STAG1: variants seen among roughly 807,000 people sequenced by gnomAD.
STAG1 encodes STAG1 cohesin complex component, also known as cohesin subunit SA-1.
A neutral mutation model predicts 170.9 loss-of-function variants in STAG1; 26 were observed. The observed-to-expected ratio is 0.15, with a 90% confidence interval of 0.11 to 0.21. STAG1 has a LOEUF of 0.21. STAG1 is among the 10% of genes least tolerant of loss of function. The pLI, the probability that STAG1 is intolerant of heterozygous loss-of-function variation, is 1.00. For missense variants in STAG1, 964 were observed against 1,509.5 expected (o/e 0.64, Z 5.99); for synonymous variants, 514 against 497.7 (o/e 1.03, Z -0.44).
chr3:136,348,803 C>T (rs1379986045), intron 29 of STAG1: 1 of 235,530 alleles, frequency 4.2e-6, no homozygotes, highest in Non-Finnish European at 8.4e-6. Flanking sequence ...CTCAAATTAC[C>T]TGTATCTCAT....
chr3:136,378,037 A>G (rs1483244392), intron 22 of STAG1, among the ~76,000 whole-genome samples: 1 of 152,224 alleles, frequency 6.6e-6, no homozygotes, highest in African/African-American at 2.4e-5. Context: ...TAGGTTGATT[A>G]AAATTGCTAG....
At position 136,593,963 on chromosome 3, in the gene STAG1, A is replaced by G. The variant is rs184067267; in HGVS notation, c.297+10346T>C. Among the ~76,000 whole-genome samples, 61 of 152,228 alleles carry G rather than the reference A, an allele frequency of 4.0e-4. 1 individual carries two copies. Among genetic ancestry groups the G allele is most frequent in the Non-Finnish European group, 7.4e-4 (50 of 68,006 alleles). On this transcript the variant is annotated intron_variant, in intron 4 of 33. Coordinates refer to ENST00000383202, the MANE Select transcript of STAG1 (RefSeq NM_005862.3). Reference sequence around the variant, plus strand: ...AATAGTATATGTGTCCTCTCATCTAATGTCTCAGTATCATTTGTTTATAAT... The same window carrying G: ...AATAGTATATGTGTCCTCTCATCTAGTGTCTCAGTATCATTTGTTTATAAT...
At chr3:136,555,727 C>A (rs976373585) in intron 5 of STAG1, among the ~76,000 whole-genome samples, 1 of 150,186 alleles carries the variant, frequency 6.7e-6, no homozygotes, top group Non-Finnish European at 1.5e-5. Context: ...ATCAAGTATA[C>A]AATTTAATAG....
At chr3:136,432,969 C>G (rs1463898448) in intron 16 of STAG1, among the ~76,000 whole-genome samples, 1 of 152,050 alleles carries the variant, frequency 6.6e-6, no homozygotes, top group Non-Finnish European at 1.5e-5. Flanking sequence ...AAATATTTCC[C>G]AATGTGTGTT....
intron 1 of STAG1, among the ~76,000 whole-genome samples, chr3:136,745,295 G>T (rs1934878501): frequency 6.6e-6 from 1 of 151,982 alleles, no homozygotes; most frequent in South Asian, 2.1e-4. Context: ...CACCTACTAT[G>T]GACTCACAAA....
chr3:136,446,416 G>GA (rs1553722836), intron 14 of STAG1, among the ~76,000 whole-genome samples: 2 of 150,328 alleles, frequency 1.3e-5, no homozygotes, highest in Non-Finnish European at 3.0e-5. Flanking sequence ...TCCCTTCATT[G>GA]TTTTTTTTTA....
At chr3:136,472,353 A>G in intron 12 of STAG1, 60 bp downstream of exon 12, 1 of 1,275,648 alleles carries the variant, frequency 7.8e-7, no homozygotes, top group Non-Finnish European at 1.1e-6. Flanking sequence ...GACATTAAAA[A>G]TCCTGGGGAA....
At chr3:136,385,068 C>T (rs2086835180) in intron 22 of STAG1, among the ~76,000 whole-genome samples, 1 of 152,090 alleles carries the variant, frequency 6.6e-6, no homozygotes, top group African/African-American at 2.4e-5. Flanking sequence ...ATAAAATGTC[C>T]TTATATTGAT....
intron 4 of STAG1, among the ~76,000 whole-genome samples, chr3:136,592,143 C>T (rs9821478): frequency 2.6e-5 from 4 of 152,056 alleles, no homozygotes; most frequent in Non-Finnish European, 4.4e-5. Context: ...GATCCTGAAC[C>T]CTCCCTTTAT....
In STAG1 at chr3:136,422,862, A is replaced by G. The variant is rs540684459; in HGVS notation, c.1744-5T>C. 4.7e-5 allele frequency: 75 copies of G among 1,601,210 alleles called. No individual in the cohort carries two copies. In the South Asian group the frequency reaches 7.5e-4, roughly 16 times the overall value. ...CTTCTCTGCATCTGCAGAATACTAGAAGGAGAAGCAAAGAAAAAGACAGTA... is the reference window on the plus strand; with the variant it reads ...CTTCTCTGCATCTGCAGAATACTAGGAGGAGAAGCAAAGAAAAAGACAGTA... On this transcript the variant is annotated splice_region_variant and splice_polypyrimidine_tract_variant and intron_variant, in intron 17 of 33. Coordinates refer to ENST00000383202, the MANE Select transcript of STAG1 (RefSeq NM_005862.3).
At chr3:136,728,358 A>C (rs1013418858) in intron 1 of STAG1, among the ~76,000 whole-genome samples, 2 of 152,178 alleles carry the variant, frequency 1.3e-5, no homozygotes, top group Non-Finnish European at 2.9e-5. Context: ...GCAGCATGTA[A>C]ATGCATTTGT....
At position 136,363,346 on chromosome 3, in the gene STAG1, C is replaced by T. The variant is rs1209626746; in HGVS notation, c.2787+20G>A. 1.6e-6 allele frequency: 2 copies of T among 1,279,240 alleles called. No homozygotes were observed. Among genetic ancestry groups the T allele is most frequent in the Non-Finnish European group, 2.3e-6 (2 of 883,602 alleles). The allele number at this position is 1,279,240 out of a possible 1,614,324, so 79.2% of individuals were successfully genotyped here. A position where few individuals can be genotyped will look rare whatever the true frequency, so the allele number is the denominator to read the frequency against. ...TAATGTTATTTCCATTCTTTGTCTCCCTCTCTCCAAATTTCTTACCTGTTG... is the reference window on the plus strand; with the variant it reads ...TAATGTTATTTCCATTCTTTGTCTCTCTCTCTCCAAATTTCTTACCTGTTG... On this transcript the variant is annotated intron_variant, in intron 26 of 33. Transcript: ENST00000383202.
rs1482373563 is a variant in STAG1, at chr3:136,337,357, A to AAAT, written c.*894_*896dup. ...TGTAACTTGAATTTGGCAGGGCATG[A>AAAT]AATAAGTGGTAAAAACAGCAAACTG... On this transcript the variant is annotated 3_prime_UTR_variant, in exon 34 of 34. Coordinates refer to ENST00000383202, the MANE Select transcript of STAG1 (RefSeq NM_005862.3). The AAAT allele has an allele frequency of 6.8e-6, 1 of 147,696 alleles. No homozygotes were observed. Among genetic ancestry groups the AAAT allele is most frequent in the African/African-American group, 2.7e-5 (1 of 36,728 alleles). 9.1% of individuals were successfully genotyped at this position (147,696 alleles called of 1,614,324 possible).
chr3:136,651,291 G>A (rs569846157), intron 1 of STAG1, among the ~76,000 whole-genome samples: 16 of 151,118 alleles, frequency 1.1e-4, no homozygotes, highest in African/African-American at 1.2e-4. Context: ...GCTTGAGCCC[G>A]GGAAGTCAAA....
At chr3:136,703,875 G>A (rs1943149087) in intron 1 of STAG1, among the ~76,000 whole-genome samples, 1 of 151,654 alleles carries the variant, frequency 6.6e-6, no homozygotes, top group African/African-American at 2.4e-5. Context: ...AGCCAGGCAT[G>A]GTGGCACACA....
intron 21 of STAG1, among the ~76,000 whole-genome samples, chr3:136,416,526 T>C (rs1198416140): frequency 1.3e-5 from 2 of 152,238 alleles, no homozygotes; most frequent in Non-Finnish European, 2.9e-5. Context: ...TGTACTCTTA[T>C]TCTCTCCCTG....
chr3:136,749,888 A>C (rs974060900), intron 1 of STAG1, among the ~76,000 whole-genome samples: 1 of 151,720 alleles, frequency 6.6e-6, no homozygotes, highest in Non-Finnish European at 1.5e-5. Context: ...TAATCTGTTA[A>C]GTGTGAAATT....
At chr3:136,669,478 C>T (rs908153876) in intron 1 of STAG1, among the ~76,000 whole-genome samples, 2 of 152,082 alleles carry the variant, frequency 1.3e-5, no homozygotes, top group African/African-American at 4.8e-5. Flanking sequence ...CTCAGCCTCC[C>T]AAGTAGCTGG....
rs528839579 is a variant in STAG1, at chr3:136,382,587, T to C, written c.2278-4835A>G. On this transcript the variant is annotated intron_variant, in intron 22 of 33. Coordinates refer to ENST00000383202, the MANE Select transcript of STAG1 (RefSeq NM_005862.3). ...CCAGCTACTATTTTTTTTCTTGTAT[T>C]TTTAGTAGAGACAGGGTTTCGCCAT... Among the ~76,000 whole-genome samples the C allele has an allele frequency of 1.4e-3, 218 of 152,108 alleles. 1 individual carries two copies. Among genetic ancestry groups the C allele is most frequent in the African/African-American group, 4.9e-3 (202 of 41,488 alleles).
Sources: allele counts gnomAD v4.1 joint callset (sites outside exome capture counted in the v4.1 genomes callset), GRCh38; gene constraint gnomAD v4.1.1; transcripts MANE v1.5; gene names NCBI Gene and HGNC (gene_info 2026-07-23, HGNC 2026-07-21).